PACRG: variants seen among roughly 807,000 people sequenced by gnomAD.
PACRG encodes parkin coregulated gene protein.
A neutral mutation model predicts 29.7 loss-of-function variants in PACRG; 29 were observed. The ratio of observed to expected loss-of-function variants is 0.98; its 90% CI spans 0.73 to 1.33. The LOEUF (loss-of-function observed/expected upper bound fraction) is 1.33. PACRG is among the 40% of genes most tolerant of loss of function. The pLI, the probability that PACRG is intolerant of heterozygous loss-of-function variation, is 0.00. For synonymous variants in PACRG, 116 were observed against 118.7 expected (o/e 0.98, Z 0.15); for missense variants, 279 against 316.2 (o/e 0.88, Z 0.89).
intron 2 of PACRG, among the ~76,000 whole-genome samples, chr6:162,914,817 T>G (rs1352498267): frequency 6.6e-6 from 1 of 151,920 alleles, no homozygotes; most frequent in Non-Finnish European, 1.5e-5. Context: ...TTAATGTAAA[T>G]GAAATGTTTT....
At chr6:163,001,563 T>TA (rs1804593546) in intron 2 of PACRG, among the ~76,000 whole-genome samples, 1 of 152,198 alleles carries the variant, frequency 6.6e-6, no homozygotes, top group African/African-American at 2.4e-5. Context: ...TAACTTCTGA[T>TA]ATGACTCAAG....
chr6:162,793,256 CAT>C (rs1265318643), intron 1 of PACRG, among the ~76,000 whole-genome samples: 5 of 152,136 alleles, frequency 3.3e-5, no homozygotes, highest in Non-Finnish European at 7.4e-5. Flanking sequence ...TTCTCATAAA[CAT>C]AAGTATAGTT....
intron 4 of PACRG, among the ~76,000 whole-genome samples, chr6:163,241,549 G>A (rs1398043734): frequency 6.6e-6 from 1 of 152,160 alleles, no homozygotes. Context: ...CCAGGGTTTT[G>A]GAAAAAGGAC....
At chr6:163,018,932 C>A (rs1182042239) in intron 2 of PACRG, among the ~76,000 whole-genome samples, 1 of 151,984 alleles carries the variant, frequency 6.6e-6, no homozygotes, top group Non-Finnish European at 1.5e-5. Flanking sequence ...TTTTTTGTCT[C>A]CTGTGTTTCT....
At chr6:162,745,713 T>A (rs1780939022) in intron 1 of PACRG, among the ~76,000 whole-genome samples, 1 of 152,126 alleles carries the variant, frequency 6.6e-6, no homozygotes, top group East Asian at 1.9e-4. Flanking sequence ...GACATTGAGA[T>A]TTAATACTTG....
intron 2 of PACRG, among the ~76,000 whole-genome samples, chr6:163,036,048 T>G (rs1230851021): frequency 6.6e-6 from 1 of 152,176 alleles, no homozygotes; most frequent in Admixed American, 6.5e-5. Flanking sequence ...TTATTTCTAA[T>G]CAAAATGTAA....
intron 2 of PACRG, among the ~76,000 whole-genome samples, chr6:162,939,428 T>C (rs891882810): frequency 1.3e-5 from 2 of 152,176 alleles, no homozygotes; most frequent in Non-Finnish European, 2.9e-5. Flanking sequence ...TAAAGAGCTA[T>C]TGCAGCCATT....
In PACRG at chr6:163,210,180, C is replaced by T. The variant is rs142508861; in HGVS notation, c.614-104647C>T. Among the ~76,000 whole-genome samples, 18 of 152,274 alleles carry T rather than the reference C, an allele frequency of 1.2e-4. No individual in the cohort carries two copies. The East Asian group carries it at 2.3e-3, about 20-fold the overall frequency. ...GAGTACACAGACAATTACATCCAGA[C>T]GATGAACAGAAGGACAGAATAATGT... On this transcript the variant is annotated intron_variant, in intron 4 of 4. Coordinates refer to ENST00000366888, the MANE Select transcript of PACRG (RefSeq NM_001080379.2).
At chr6:163,254,749 C>T (rs1440524987) in intron 4 of PACRG, among the ~76,000 whole-genome samples, 1 of 152,192 alleles carries the variant, frequency 6.6e-6, no homozygotes, top group East Asian at 1.9e-4. Context: ...AAGGTGCCCC[C>T]TCCTCACTCC....
intron 4 of PACRG, among the ~76,000 whole-genome samples, chr6:163,174,882 GTAAA>G (rs773084895): frequency 5.3e-5 from 8 of 151,940 alleles, no homozygotes; most frequent in Non-Finnish European, 1.2e-4. Flanking sequence ...CACAGCACAC[GTAAA>G]TAAATAGAGG....
intron 4 of PACRG, among the ~76,000 whole-genome samples, chr6:163,229,036 A>C (rs552984995): frequency 8.4e-4 from 128 of 152,344 alleles, no homozygotes; most frequent in African/African-American, 2.9e-3. Flanking sequence ...TTACTGAACC[A>C]GAAAGGGCTA....
intron 4 of PACRG, among the ~76,000 whole-genome samples, chr6:163,092,481 G>A (rs1333769993): frequency 2.0e-5 from 3 of 152,198 alleles, no homozygotes; most frequent in East Asian, 1.9e-4. Context: ...GAAAGTGGCT[G>A]TATCCTCTTG....
intron 2 of PACRG, among the ~76,000 whole-genome samples, chr6:163,019,741 C>T (rs1043933214): frequency 3.3e-5 from 5 of 152,084 alleles, no homozygotes; most frequent in African/African-American, 4.8e-5. Flanking sequence ...CACACAATTT[C>T]GATGTAGTTC....
At chr6:162,882,087 G>A (rs1226399830) in intron 2 of PACRG, among the ~76,000 whole-genome samples, 2 of 137,098 alleles carry the variant, frequency 1.5e-5, no homozygotes, top group Admixed American at 7.3e-5. Flanking sequence ...CCAGAGACTC[G>A]GGGTGGGGGG....
chr6:162,773,329 T>C (rs1783367017), intron 1 of PACRG, among the ~76,000 whole-genome samples: 1 of 152,164 alleles, frequency 6.6e-6, no homozygotes, highest in African/African-American at 2.4e-5. Flanking sequence ...CATAAATGAT[T>C]ATAGCTTGCT....
intron 4 of PACRG, among the ~76,000 whole-genome samples, chr6:163,265,100 C>T (rs1449942276): frequency 6.6e-6 from 1 of 152,186 alleles, no homozygotes; most frequent in African/African-American, 2.4e-5. Context: ...GGCTTCCACT[C>T]CTGCTGGGTG....
chr6:162,863,554 G>A (rs1054623246), intron 2 of PACRG, among the ~76,000 whole-genome samples: 2 of 152,204 alleles, frequency 1.3e-5, no homozygotes, highest in South Asian at 4.1e-4. Context: ...GCTACAGGCT[G>A]GGTACCACTG....
At chr6:163,207,786 C>A (rs1780967272) in intron 4 of PACRG, among the ~76,000 whole-genome samples, 1 of 152,158 alleles carries the variant, frequency 6.6e-6, no homozygotes. Context: ...CCATAAGTGT[C>A]TCTTATAATG....
intron 4 of PACRG, among the ~76,000 whole-genome samples, chr6:163,302,348 C>T (rs376137220): frequency 6.6e-6 from 1 of 151,104 alleles, no homozygotes; most frequent in Admixed American, 6.6e-5. Flanking sequence ...CAAGCATTTT[C>T]AGACTGTGTC....
Sources: gnomAD v4.1 joint callset for allele counts (sites outside exome capture counted in the v4.1 genomes callset) on GRCh38, gnomAD v4.1.1 for gene constraint, MANE v1.5 for transcripts, NCBI Gene and HGNC (gene_info 2026-07-23, HGNC 2026-07-21) for gene names.